CASP14: variants seen among roughly 807,000 people sequenced by gnomAD.
CASP14 encodes caspase-14.
A neutral mutation model predicts 28.4 loss-of-function variants in CASP14; 27 were observed. The observed-to-expected ratio is 0.95, with a 90% confidence interval of 0.70 to 1.31. CASP14 has a LOEUF of 1.31. Among genes scored for constraint, CASP14 ranks in the 50% most tolerant of loss-of-function variants. The pLI is 0.00. For missense variants in CASP14, 323 were observed against 312.8 expected (o/e 1.03, Z -0.25); for synonymous variants, 115 against 118.6 (o/e 0.97, Z 0.20).
chr19:15,052,188 T>C lies in CASP14; in HGVS notation c.-46-18T>C. The C allele has an allele frequency of 1.3e-6, 2 of 1,542,580 alleles. No individual in the cohort carries two copies. Among genetic ancestry groups the C allele is most frequent in the Non-Finnish European group, 8.7e-7 (1 of 1,144,428 alleles). ...CCTCCCTTTAGAGAACTTTAACCTA[T>C]CTTCTCTTGACTCCAAGGATCAGAC... On this transcript the variant is annotated intron_variant, in intron 1 of 6. Transcript: ENST00000427043.
chr19:15,050,834 A>ATGGG (rs1284445540), intron 1 of CASP14, among the ~76,000 whole-genome samples: 4 of 152,050 alleles, frequency 2.6e-5, no homozygotes, highest in African/African-American at 9.6e-5. Context: ...GAGTGGGTGG[A>ATGGG]TGGATGGATG....
intron 4 of CASP14, chr19:15,054,833 AT>A (rs2046108378): frequency 4.8e-6 from 1 of 207,370 alleles, no homozygotes; most frequent in African/African-American, 2.3e-5. Flanking sequence ...TAGAGATGGG[AT>A]TTGACCATGT....
intron 1 of CASP14, among the ~76,000 whole-genome samples, chr19:15,050,953 G>A (rs549933014): frequency 6.6e-6 from 1 of 152,122 alleles, no homozygotes; most frequent in African/African-American, 2.4e-5. Context: ...TGTGCGGGTG[G>A]AAGGATGGGT....
At chr19:15,052,583 C>T (rs2046095938) in intron 2 of CASP14, among the ~76,000 whole-genome samples, 1 of 152,136 alleles carries the variant, frequency 6.6e-6, no homozygotes, top group African/African-American at 2.4e-5. Context: ...AGATGAAGTT[C>T]TTACCACTGG....
chr19:15,056,195 A>C lies in CASP14; in HGVS notation c.*106A>C. The C allele has an allele frequency of 1.2e-6, 1 of 854,060 alleles. No homozygotes were observed. Among genetic ancestry groups the C allele is most frequent in the Non-Finnish European group, 1.9e-6 (1 of 534,456 alleles). The allele number at this position is 854,060 out of a possible 1,614,324, so 52.9% of individuals were successfully genotyped here. On this transcript the variant is annotated 3_prime_UTR_variant, in exon 7 of 7. Transcript: ENST00000427043. ...CAAGATCTTCTGTTCCCAAGGCCAA[A>C]TGGCACCCAGTTTCTTTTCCATCAC... is the stretch of plus-strand genomic sequence containing the variant.
rs151103624 is a variant in CASP14 at position 15,055,878 on chromosome 19, C to T, written c.625-107C>T. 8 of 787,074 alleles carry T rather than the reference C, an allele frequency of 1.0e-5. No individual in the cohort carries two copies. In the African/African-American group the frequency reaches 1.2e-4, roughly 12 times the overall value. The allele number at this position is 787,074 out of a possible 1,614,324, so 48.8% of individuals were successfully genotyped here. ...ACTATGGTATAGGAAGAGGCCACAA[C>T]GGTCTCTCATCTTAGGACAAGAATA... On this transcript the variant is annotated intron_variant, in intron 6 of 6. Coordinates refer to ENST00000427043, the MANE Select transcript of CASP14 (RefSeq NM_012114.3).
rs954882652 is a variant in CASP14, at chr19:15,055,996, G to A, written c.636G>A (p.Arg212=). The A allele has an allele frequency of 2.3e-5, 37 of 1,606,800 alleles. No individual in the cohort carries two copies. The highest frequency in any genetic ancestry group is 3.1e-5 in the Non-Finnish European group (37 of 1,176,474). The change falls in exon 7 of 7, where the codon CGG becomes CGA. Residue 212 remains arginine (R), a synonymous_variant. Coordinates refer to ENST00000427043, the MANE Select transcript of CASP14 (RefSeq NM_012114.3). ...ILELLTEVTR[R]MAEAELVQEG... Reference sequence around the variant, plus strand: ...ACCTGTTGCTGCAGGTGACCCGGCGGATGGCAGAAGCAGAGCTGGTTCAAG... The same window carrying A: ...ACCTGTTGCTGCAGGTGACCCGGCGAATGGCAGAAGCAGAGCTGGTTCAAG...
chr19:15,051,969 G>T (rs2046093082), intron 1 of CASP14, among the ~76,000 whole-genome samples: 1 of 152,108 alleles, frequency 6.6e-6, no homozygotes. Context: ...TGTGGGGTAG[G>T]CTCAGCAGTT....
At position 15,057,078 on chromosome 19, in the gene CASP14, T is replaced by G. The variant is rs1464132538; in HGVS notation, c.*989T>G. On this transcript the variant is annotated 3_prime_UTR_variant, in exon 7 of 7. Coordinates refer to ENST00000427043, the MANE Select transcript of CASP14 (RefSeq NM_012114.3). Reference sequence around the variant, plus strand: ...GAGCTTTCTGGAAGTTTCTAGAAATTTTCAATAACCACCAGCCAAGGTTAC... The same window carrying G: ...GAGCTTTCTGGAAGTTTCTAGAAATGTTCAATAACCACCAGCCAAGGTTAC... The G allele has an allele frequency of 6.6e-6, 1 of 152,018 alleles. No individual in the cohort carries two copies. The highest frequency in any genetic ancestry group is 1.5e-5 in the Non-Finnish European group (1 of 67,978). 9.4% of individuals were successfully genotyped at this position (152,018 alleles called of 1,614,324 possible). A position where few individuals can be genotyped will look rare whatever the true frequency, so the allele number is the denominator to read the frequency against.
chr19:15,051,502 C>CAAAAAAAA (rs3040744), intron 1 of CASP14, among the ~76,000 whole-genome samples: 3 of 84,646 alleles, frequency 3.5e-5, no homozygotes, highest in Non-Finnish European at 6.5e-5. Context: ...GATTCTGTCT[C>CAAAAAAAA]AAAAAAAAAA....
At chr19:15,049,722 CA>C (rs1245696873) in intron 1 of CASP14, 77 bp downstream of exon 1, 4 of 152,410 alleles carry the variant, frequency 2.6e-5, no homozygotes, top group African/African-American at 9.7e-5. Context: ...CACACACACA[CA>C]CACACACACG....
chr19:15,052,242 C>G lies in CASP14; in HGVS notation c.-10C>G. ...GGTGCTGAGAGCCGGGACTCACAAC[C>G]AAAGGAGAAATGAGCAATCCGCGGT... On this transcript the variant is annotated 5_prime_UTR_variant, in exon 2 of 7. Coordinates refer to ENST00000427043, the MANE Select transcript of CASP14 (RefSeq NM_012114.3). 2 of 1,587,740 alleles carry G rather than the reference C, an allele frequency of 1.3e-6. No individual in the cohort carries two copies. Among genetic ancestry groups the G allele is most frequent in the Non-Finnish European group, 1.7e-6 (2 of 1,168,352 alleles).
At chr19:15,055,934 C>A (rs369529451) in intron 6 of CASP14, 51 bp from the exon 7 acceptor site, 20 of 1,441,460 alleles carry the variant, frequency 1.4e-5, no homozygotes, top group Middle Eastern at 1.7e-4. Flanking sequence ...ACCCTCCCCC[C>A]ATAAGTCCAT....
chr19:15,055,823 A>T (rs2046114357), intron 6 of CASP14, among the ~76,000 whole-genome samples, 162 bp from the exon 7 acceptor site: 1 of 151,252 alleles, frequency 6.6e-6, no homozygotes, highest in Non-Finnish European at 1.5e-5. Context: ...CAAATTATTT[A>T]AAAAATGCCC....
In CASP14 at chr19:15,053,796, TGTGCCTTC is replaced by T; in HGVS notation, c.245_252del (p.Ala82GlyfsTer39). 2 of 1,614,112 alleles carry T rather than the reference TGTGCCTTC, an allele frequency of 1.2e-6. No homozygotes were observed. Among genetic ancestry groups the T allele is most frequent in the Non-Finnish European group, 1.7e-6 (2 of 1,180,024 alleles). On this transcript the variant is annotated frameshift_variant, in exon 4 of 7. Transcript: ENST00000427043. LOFTEE classifies it high-confidence loss of function. The stretch of plus-strand genomic sequence containing the variant: ...CGATTCCCGGGAAGATCCCGTCAGT[TGTGCCTTC>T]GTGGTACTCATGGCTCACGGGAGGG...
At chr19:15,054,248 A>C (rs1046774278) in intron 4 of CASP14, among the ~76,000 whole-genome samples, 2 of 152,070 alleles carry the variant, frequency 1.3e-5, no homozygotes, top group African/African-American at 4.8e-5. Context: ...TGCCCAACCA[A>C]GTCTGTGTTT....
At chr19:15,049,833 C>G (rs1309575787) in intron 1 of CASP14, among the ~76,000 whole-genome samples, 188 bp downstream of exon 1, 1 of 152,104 alleles carries the variant, frequency 6.6e-6, no homozygotes, top group East Asian at 1.9e-4. Context: ...TTCTTTTCAT[C>G]TGTTCATTTT....
rs749047896 is a variant in CASP14 at position 15,053,718 on chromosome 19, T to C, written c.178-15T>C. On this transcript the variant is annotated splice_polypyrimidine_tract_variant and intron_variant, in intron 3 of 6. Coordinates refer to ENST00000427043, the MANE Select transcript of CASP14 (RefSeq NM_012114.3). Reference sequence around the variant, plus strand: ...ATGGGGACCCAGCTGAGTCTGGTTCTTCCTCTCACTCCAGCAATTCCAGGA... The same window carrying C: ...ATGGGGACCCAGCTGAGTCTGGTTCCTCCTCTCACTCCAGCAATTCCAGGA... The C allele has an allele frequency of 1.2e-6, 2 of 1,613,088 alleles. No homozygotes were observed. Among genetic ancestry groups the C allele is most frequent in the South Asian group, 2.2e-5 (2 of 91,058 alleles).
At position 15,056,188 on chromosome 19, in the gene CASP14, A is replaced by G; in HGVS notation, c.*99A>G. ...CTCTCCCCAAGATCTTCTGTTCCCAAGGCCAAATGGCACCCAGTTTCTTTT... is the reference window on the plus strand; with the variant it reads ...CTCTCCCCAAGATCTTCTGTTCCCAGGGCCAAATGGCACCCAGTTTCTTTT... On this transcript the variant is annotated 3_prime_UTR_variant, in exon 7 of 7. Transcript: ENST00000427043. 1 of 926,376 alleles carries G rather than the reference A, an allele frequency of 1.1e-6. No individual in the cohort carries two copies. Among genetic ancestry groups the G allele is most frequent in the Non-Finnish European group, 1.7e-6 (1 of 595,658 alleles). 57.4% of individuals were successfully genotyped at this position (926,376 alleles called of 1,614,324 possible). A position where few individuals can be genotyped will look rare whatever the true frequency, so the allele number is the denominator to read the frequency against.
Sources: gnomAD v4.1 joint callset for allele counts (sites outside exome capture counted in the v4.1 genomes callset) on GRCh38, gnomAD v4.1.1 for gene constraint, MANE v1.5 for transcripts, NCBI Gene and HGNC (gene_info 2026-07-23, HGNC 2026-07-21) for gene names.